Variants in GPHN observed in about 807,000 individuals in gnomAD.
GPHN encodes gephyrin.
Under a neutral mutation model 95.5 loss-of-function variants are expected in GPHN, and 17 were observed. That is an observed-to-expected ratio of 0.18 (90% CI 0.12 to 0.27). GPHN has a LOEUF of 0.27. Ranked by LOEUF, GPHN falls within the 10% of genes least tolerant of loss-of-function variation. The pLI is 1.00. For missense variants in GPHN, 660 were observed against 978.1 expected, an observed-to-expected ratio of 0.67 and a Z score of 4.34; for synonymous variants, 320 against 322.5, an observed-to-expected ratio of 0.99 and a Z score of 0.08.
chr14:66,907,638 A>G (rs2065451405), intron 5 of GPHN, among the ~76,000 whole-genome samples: 1 of 152,162 alleles, frequency 6.6e-6, no homozygotes, highest in Admixed American at 6.5e-5. Context: ...TACAAAATAA[A>G]TAAAACAACC....
chr14:66,862,610 C>G (rs2063071838), intron 4 of GPHN, among the ~76,000 whole-genome samples: 1 of 151,944 alleles, frequency 6.6e-6, no homozygotes, highest in African/African-American at 2.4e-5. Flanking sequence ...ACTAGCAACC[C>G]AAATTCAACA....
chr14:67,235,118 T>C, the GPHN span, among the ~76,000 whole-genome samples: 50 of 150,442 alleles, frequency 3.3e-4, no homozygotes, highest in Middle Eastern at 0.014. Flanking sequence ...ATCACGCCAC[T>C]GCATGCCAGC....
chr14:67,717,360 C>A, the GPHN span, among the ~76,000 whole-genome samples: 2 of 152,082 alleles, frequency 1.3e-5, no homozygotes, highest in Non-Finnish European at 2.9e-5. Flanking sequence ...TAGAGGTAAA[C>A]AGAATTAAGC....
At chr14:67,145,837 A>G (rs2080866733) in intron 18 of GPHN, among the ~76,000 whole-genome samples, 1 of 152,220 alleles carries the variant, frequency 6.6e-6, no homozygotes, top group African/African-American at 2.4e-5. Context: ...AACCTCAGGT[A>G]TGCAAGAAAT....
chr14:66,645,024 G>A (rs1362472200), intron 1 of GPHN, among the ~76,000 whole-genome samples: 3 of 152,048 alleles, frequency 2.0e-5, no homozygotes, highest in African/African-American at 7.2e-5. Context: ...ATAGGAAAAG[G>A]TAATTCATGG....
the GPHN span, chr14:67,674,362 A>AC: frequency 1.3e-6 from 2 of 1,571,414 alleles, no homozygotes; most frequent in Non-Finnish European, 1.7e-6. Flanking sequence ...GGCGTGGCCC[A>AC]CCCCCGCCTC....
At chr14:67,081,104 C>A (rs779488670) in intron 11 of GPHN, among the ~76,000 whole-genome samples, 10 of 152,132 alleles carry the variant, frequency 6.6e-5, no homozygotes, top group Non-Finnish European at 1.3e-4. Context: ...ATAATTACTT[C>A]TTTTCCTCTG....
At chr14:67,697,149 C>A in the GPHN span, among the ~76,000 whole-genome samples, 3 of 152,108 alleles carry the variant, frequency 2.0e-5, no homozygotes, top group Non-Finnish European at 4.4e-5. Flanking sequence ...AAGCCAGGAA[C>A]ACATAATCTC....
the GPHN span, chr14:67,241,245 T>G: frequency 1.3e-5 from 2 of 152,232 alleles, no homozygotes; most frequent in African/African-American, 4.8e-5. Flanking sequence ...GGGACTCGGA[T>G]CCGCGCGCCC....
At chr14:67,103,245 C>G (rs1029089644) in intron 13 of GPHN, among the ~76,000 whole-genome samples, 4 of 152,092 alleles carry the variant, frequency 2.6e-5, no homozygotes, top group African/African-American at 7.2e-5. Flanking sequence ...CCAAACCATG[C>G]TATTTCAGTT....
chr14:66,639,233 G>A (rs931005409), intron 1 of GPHN, among the ~76,000 whole-genome samples: 1 of 151,694 alleles, frequency 6.6e-6, no homozygotes, highest in Non-Finnish European at 1.5e-5. Context: ...TGAAACTTTT[G>A]CAATTATCGA....
the GPHN span, among the ~76,000 whole-genome samples, chr14:67,327,435 CTTTT>C: frequency 6.9e-6 from 1 of 145,572 alleles, no homozygotes; most frequent in Non-Finnish European, 1.5e-5. Flanking sequence ...GGACGGATCA[CTTTT>C]TTTTTTTCCG....
chr14:67,700,524 G>T, the GPHN span, among the ~76,000 whole-genome samples: 3 of 150,320 alleles, frequency 2.0e-5, no homozygotes, highest in Non-Finnish European at 4.4e-5. Context: ...GACCATCCTG[G>T]CTAACACGAT....
chr14:67,204,831 C>T, the GPHN span: 6 of 1,613,982 alleles, frequency 3.7e-6, no homozygotes, highest in Non-Finnish European at 5.1e-6. Context: ...TGACCCCGTA[C>T]ATGTATGCAG....
the GPHN span, among the ~76,000 whole-genome samples, chr14:67,292,268 G>A: frequency 6.6e-6 from 1 of 152,140 alleles, no homozygotes; most frequent in South Asian, 2.1e-4. Flanking sequence ...TTTTTATATT[G>A]AATGTGTATT....
chr14:67,634,989 T>G, the GPHN span, among the ~76,000 whole-genome samples: 1 of 152,140 alleles, frequency 6.6e-6, no homozygotes, highest in Non-Finnish European at 1.5e-5. Context: ...CTCACGCCTG[T>G]AATCCAGCAC....
intron 16 of GPHN, among the ~76,000 whole-genome samples, chr14:67,116,882 C>T (rs1014584516): frequency 7.2e-5 from 11 of 152,296 alleles, no homozygotes; most frequent in South Asian, 4.1e-4. Context: ...ATTAGCTTAA[C>T]GATCAGTTAA....
chr14:66,674,605 A>G (rs1451693156), intron 1 of GPHN, among the ~76,000 whole-genome samples: 1 of 152,192 alleles, frequency 6.6e-6, no homozygotes, highest in Non-Finnish European at 1.5e-5. Flanking sequence ...AATGTCCTCC[A>G]GGGTGATCCA....
the GPHN span, among the ~76,000 whole-genome samples, chr14:67,476,029 C>T: frequency 6.6e-6 from 1 of 152,208 alleles, no homozygotes; most frequent in Non-Finnish European, 1.5e-5. Flanking sequence ...GGGACTGCAT[C>T]AAGAATGGGA....
Sources: gnomAD v4.1 joint callset for allele counts (sites outside exome capture counted in the v4.1 genomes callset) on GRCh38, gnomAD v4.1.1 for gene constraint, MANE v1.5 for transcripts, NCBI Gene and HGNC (gene_info 2026-07-23, HGNC 2026-07-21) for gene names.